Variants in SPOP observed in about 807,000 individuals in gnomAD.
SPOP encodes the protein speckle type BTB/POZ protein.
Under a neutral mutation model 45.6 loss-of-function variants are expected in SPOP, and 11 were observed. The observed-to-expected ratio is 0.24, with a 90% CI of 0.15 to 0.40. The LOEUF is 0.40. SPOP is among the 10% of genes least tolerant of loss of function. The pLI is 1.00. For missense variants in SPOP, 152 were observed against 465.6 expected, an observed-to-expected ratio of 0.33 and a Z score of 6.20; for synonymous variants, 166 against 166.3, an observed-to-expected ratio of 1.00 and a Z score of 0.01.
At chr17:49,622,631 C>G (rs2072242893) in intron 2 of SPOP, 102 bp downstream of exon 2, 2 of 1,002,990 alleles carry the variant, frequency 2.0e-6, no homozygotes, top group Admixed American at 3.7e-5. Context: ...CAGTTATGTT[C>G]CAGAGAAAGC....
Position 49,635,794 on chromosome 17 carries a change from T to C in SPOP, c.-66-12918A>G, listed in dbSNP as rs571549572. On this transcript the variant is annotated intron_variant, in intron 1 of 9. Transcript: ENST00000504102. ...GGATTCAGGCACGTGCCACCATGCCTGGCTAATTTTTGTATTTTTAGTAGA... is the reference window on the plus strand; with the variant it reads ...GGATTCAGGCACGTGCCACCATGCCCGGCTAATTTTTGTATTTTTAGTAGA... Among the ~76,000 whole-genome samples, 383 of 151,740 alleles carry C rather than the reference T, an allele frequency of 2.5e-3. 1 individual carries two copies. Among genetic ancestry groups the C allele is most frequent in the African/African-American group, 9.0e-3 (373 of 41,374 alleles).
chr17:49,669,887 A>G (rs958258113), intron 1 of SPOP, among the ~76,000 whole-genome samples: 4 of 152,166 alleles, frequency 2.6e-5, no homozygotes, highest in Non-Finnish European at 5.9e-5. Context: ...GGAATATATA[A>G]ATCTCAATTT....
intron 1 of SPOP, among the ~76,000 whole-genome samples, chr17:49,648,613 T>C (rs2072794459): frequency 1.3e-5 from 2 of 152,216 alleles, no homozygotes; most frequent in Non-Finnish European, 2.9e-5. Flanking sequence ...AATAATCACA[T>C]GTGGTCCTGC....
At chr17:49,622,978 T>A in intron 1 of SPOP, 102 bp from the exon 2 acceptor site, 1 of 598,914 alleles carries the variant, frequency 1.7e-6, no homozygotes, top group South Asian at 2.1e-5. Flanking sequence ...CTCCACATTG[T>A]TTGAGTGGCT....
intron 1 of SPOP, among the ~76,000 whole-genome samples, chr17:49,652,828 T>C (rs937881296): frequency 1.3e-5 from 2 of 152,190 alleles, no homozygotes; most frequent in Non-Finnish European, 2.9e-5. Context: ...TTCTAAGGGA[T>C]TGGGCCCCTC....
In SPOP at chr17:49,669,217, C is replaced by T. The variant is rs1303999640; in HGVS notation, c.-67+8716G>A. On this transcript the variant is annotated intron_variant, in intron 1 of 9. Coordinates refer to ENST00000504102, the MANE Select transcript of SPOP (RefSeq NM_001007228.2). ...AAGTAGCTGGGAATACAGGCGCCCG[C>T]CATCATGCCCGGATAATTTTTGCAT... 2.0e-5 allele frequency among the ~76,000 whole-genome samples: 3 copies of T among 151,626 alleles called. No individual in the cohort carries two copies. The East Asian group carries it at 5.9e-4, about 30-fold the overall frequency.
rs1264401192 is a variant in SPOP at position 49,600,743 on chromosome 17, A to G, written c.981-221T>C. 9.3e-6 allele frequency: 5 copies of G among 538,478 alleles called. No individual in the cohort carries two copies. The highest frequency in any genetic ancestry group is 1.7e-5 in the Non-Finnish European group (5 of 301,024). The allele number at this position is 538,478 out of a possible 1,614,324, so 33.4% of individuals were successfully genotyped here. Reference sequence around the variant, plus strand: ...CTGAAAACCAAGACTTTGAGCCACTATATTCTCAAAAACAAAAAGCAGAAT... The same window carrying G: ...CTGAAAACCAAGACTTTGAGCCACTGTATTCTCAAAAACAAAAAGCAGAAT... On this transcript the variant is annotated intron_variant, in intron 9 of 9. Coordinates refer to ENST00000504102, the MANE Select transcript of SPOP (RefSeq NM_001007228.2). This position sits in a 1 kb window ranked among gnomAD's most constrained non-coding sequence, Gnocchi z 4.2.
At chr17:49,651,837 G>A (rs1454095564) in intron 1 of SPOP, among the ~76,000 whole-genome samples, 4 of 152,060 alleles carry the variant, frequency 2.6e-5, no homozygotes, top group Non-Finnish European at 5.9e-5. Flanking sequence ...TGGCCAACAT[G>A]GTGAAACCCT....
Position 49,607,327 on chromosome 17 carries a change from T to C in SPOP, c.760A>G (p.Met254Val). The C allele has an allele frequency of 6.2e-7, 1 of 1,614,142 alleles. No individual in the cohort carries two copies. Among genetic ancestry groups the C allele is most frequent in the Non-Finnish European group, 8.5e-7 (1 of 1,180,012 alleles). ...NDVEPEVFKE[M>V]MCFIYTGKAP... is the part of the protein sequence containing the mutation. Reference sequence around the variant, plus strand: ...TTCCCCGTGTAAATGAAGCACATCATTTCCTTAAAAACTTCAGGCTCCACA... The same window carrying C: ...TTCCCCGTGTAAATGAAGCACATCACTTCCTTAAAAACTTCAGGCTCCACA... The change falls in exon 8 of 10, where the codon ATG (methionine) becomes GTG (valine). Residue 254 changes from methionine (M) to valine (V), a missense_variant. By Grantham distance (21) the Met-to-Val change is conservative (BLOSUM62 1). Around this residue, in one of 3 missense-constraint regions of SPOP, gnomAD observed 106 missense variants for 255.2 expected, o/e 0.42. Transcript: ENST00000504102.
chr17:49,622,413 T>A (rs558640824), intron 2 of SPOP: 18 of 517,920 alleles, frequency 3.5e-5, no homozygotes, highest in Non-Finnish European at 5.3e-5. Flanking sequence ...AATGTTGATG[T>A]CACTGCCTGG....
intron 1 of SPOP, among the ~76,000 whole-genome samples, chr17:49,652,784 C>T (rs779286625): frequency 4.6e-5 from 7 of 152,156 alleles, no homozygotes; most frequent in Non-Finnish European, 8.8e-5. Context: ...CCCAAATTCG[C>T]TTCAAATAAT....
intron 8 of SPOP, 86 bp downstream of exon 8, chr17:49,607,155 TCATTTTACC>T: frequency 6.5e-7 from 1 of 1,546,466 alleles, no homozygotes; most frequent in Non-Finnish European, 8.8e-7. Context: ...AGATATATGC[TCATTTTACC>T]CACAATGCAA....
intron 1 of SPOP, among the ~76,000 whole-genome samples, chr17:49,673,277 G>T (rs2073159341): frequency 6.6e-6 from 1 of 151,946 alleles, no homozygotes; most frequent in South Asian, 2.1e-4. Context: ...AGGCCAAGGT[G>T]GGTGGATCAC....
intron 1 of SPOP, among the ~76,000 whole-genome samples, chr17:49,626,028 T>A (rs141247459): frequency 1.2e-4 from 19 of 152,356 alleles, no homozygotes; most frequent in African/African-American, 4.3e-4. Context: ...GGAGCAATTG[T>A]GTAAGGATAT....
intron 1 of SPOP, among the ~76,000 whole-genome samples, chr17:49,625,717 T>C (rs1007492508): frequency 2.6e-5 from 4 of 152,206 alleles, no homozygotes; most frequent in Non-Finnish European, 4.4e-5. Context: ...ACATTATTTA[T>C]GCAAATTTAA....
chr17:49,647,481 T>G (rs1375877295), intron 1 of SPOP, among the ~76,000 whole-genome samples: 1 of 152,070 alleles, frequency 6.6e-6, no homozygotes, highest in Non-Finnish European at 1.5e-5. Context: ...TTTTTAAATT[T>G]TTTTATTTCT....
chr17:49,622,366 T>C, intron 2 of SPOP: 1 of 544,670 alleles, frequency 1.8e-6, no homozygotes, highest in Non-Finnish European at 3.4e-6. Flanking sequence ...GGAAAGCATA[T>C]GATAAAACCG....
chr17:49,651,496 C>T lies in SPOP; in HGVS notation c.-67+26437G>A, dbSNP rs112380897. Among the ~76,000 whole-genome samples, 1,386 of 152,292 alleles carry T rather than the reference C, an allele frequency of 9.1e-3. 11 individuals are homozygous for T. The highest frequency in any genetic ancestry group is 0.035 in the South Asian group (168 of 4,824). On this transcript the variant is annotated intron_variant, in intron 1 of 9. Transcript: ENST00000504102. Reference sequence around the variant, plus strand: ...AGATAAATTTGCAACTCTATTTGTTCTTGGCTCCTGTAACCTTTTATTTTC... The same window carrying T: ...AGATAAATTTGCAACTCTATTTGTTTTTGGCTCCTGTAACCTTTTATTTTC...
At chr17:49,644,888 G>T (rs947224655) in intron 1 of SPOP, among the ~76,000 whole-genome samples, 23 of 152,098 alleles carry the variant, frequency 1.5e-4, no homozygotes, top group Non-Finnish European at 8.8e-5. Flanking sequence ...ATGGCAATAG[G>T]TTGTCTCTGG....
Sources: allele counts gnomAD v4.1 joint callset (sites outside exome capture counted in the v4.1 genomes callset), GRCh38; gene constraint gnomAD v4.1.1; regional missense constraint gnomAD v4.1.1; non-coding constraint Gnocchi (gnomAD v3.1); transcripts MANE v1.5; gene names NCBI Gene and HGNC (gene_info 2026-07-23, HGNC 2026-07-21).